CASP14: variants seen among roughly 807,000 people sequenced by gnomAD.
CASP14 encodes caspase-14.
A neutral mutation model predicts 28.4 loss-of-function variants in CASP14; 27 were observed. The observed-to-expected ratio is 0.95, with a 90% CI of 0.70 to 1.31. CASP14 has a LOEUF of 1.31. Among genes scored for constraint, CASP14 ranks in the 50% most tolerant of loss-of-function variants. The pLI is 0.00. For missense variants in CASP14, 323 were observed against 312.8 expected, an observed-to-expected ratio of 1.03 and a Z score of -0.25; for synonymous variants, 115 against 118.6, an observed-to-expected ratio of 0.97 and a Z score of 0.20.
At chr19:15,053,157 G>T (rs1237255159) in intron 2 of CASP14, among the ~76,000 whole-genome samples, 5 of 152,162 alleles carry the variant, frequency 3.3e-5, no homozygotes, top group Non-Finnish European at 4.4e-5. Context: ...GCCCAGGCTG[G>T]AGTGCAGTGA....
At chr19:15,055,365 C>T (rs2046111574) in intron 5 of CASP14, 65 bp from the exon 6 acceptor site, 2 of 1,563,080 alleles carry the variant, frequency 1.3e-6, no homozygotes. Flanking sequence ...GGACCCACGC[C>T]CTTCCAGGAT....
In CASP14 at chr19:15,052,285, TG is replaced by T; in HGVS notation, c.27+10del. 6.3e-7 allele frequency: 1 copy of T among 1,585,060 alleles called. No individual in the cohort carries two copies. Among genetic ancestry groups the T allele is most frequent in the Non-Finnish European group, 8.6e-7 (1 of 1,167,754 alleles). On this transcript the variant is annotated splice_region_variant and intron_variant, in intron 2 of 6. Coordinates refer to ENST00000427043, the MANE Select transcript of CASP14 (RefSeq NM_012114.3). Reference sequence around the variant, plus strand: ...TCCGCGGTCTTTGGAAGAGGTAGGCTGGGTGCAGGTTGAGGGGAGGGTGATC... The same window carrying T: ...TCCGCGGTCTTTGGAAGAGGTAGGCTGGTGCAGGTTGAGGGGAGGGTGATC...
intron 4 of CASP14, 96 bp downstream of exon 4, chr19:15,054,054 A>T: frequency 1.0e-6 from 1 of 963,688 alleles, no homozygotes; most frequent in Non-Finnish European, 1.5e-6. Context: ...GCGGAATCTC[A>T]ACTCACTGCA....
Position 15,053,870 on chromosome 19 carries a change from G to A in CASP14, c.315G>A (p.Leu105=). ...LKGEDGEMVK[L]ENLFEALNNK... is the part of the protein sequence containing the mutation. Reference sequence around the variant, plus strand: ...GAGAAGATGGGGAGATGGTCAAGCTGGAGAATCTCTTCGAGGCCCTGAACA... The same window carrying A: ...GAGAAGATGGGGAGATGGTCAAGCTAGAGAATCTCTTCGAGGCCCTGAACA... Residue 105 remains leucine, a synonymous_variant, in exon 4 of 7, where the codon CTG becomes CTA. Coordinates refer to ENST00000427043, the MANE Select transcript of CASP14 (RefSeq NM_012114.3). 6.2e-7 allele frequency: 1 copy of A among 1,614,180 alleles called. No individual in the cohort carries two copies. Among genetic ancestry groups the A allele is most frequent in the Admixed American group, 1.7e-5 (1 of 60,020 alleles).
At chr19:15,050,515 T>G (rs2046085546) in intron 1 of CASP14, among the ~76,000 whole-genome samples, 1 of 86,304 alleles carries the variant, frequency 1.2e-5, no homozygotes, top group East Asian at 3.6e-4. Flanking sequence ...GATGGATGGA[T>G]GGGTGGGTGG....
intron 1 of CASP14, among the ~76,000 whole-genome samples, chr19:15,050,667 T>C (rs1264120378): frequency 6.6e-6 from 1 of 151,952 alleles, no homozygotes; most frequent in Non-Finnish European, 1.5e-5. Flanking sequence ...AGATAATGGA[T>C]GAATGGATGG....
In CASP14 at chr19:15,053,904, T is replaced by A. The variant is rs769099388; in HGVS notation, c.349T>A (p.Cys117Ser). The change falls in exon 4 of 7, where the codon TGC (cysteine) becomes AGC (serine). Residue 117 changes from cysteine to serine, a missense_variant. Physicochemically the swap from Cys to Ser is moderately radical, Grantham distance 112. Transcript: ENST00000427043. ...NLFEALNNKN[C>S]QALRAKPKVY... ...CTTCGAGGCCCTGAACAACAAGAAC[T>A]GCCAGGCCCTGCGAGCTAAGCCCAA... 1 of 1,614,008 alleles carries A rather than the reference T, an allele frequency of 6.2e-7. No individual in the cohort carries two copies. Among genetic ancestry groups the A allele is most frequent in the Admixed American group, 1.7e-5 (1 of 59,994 alleles).
rs762778886 is a variant in CASP14 at position 15,053,936 on chromosome 19, C to T, written c.381C>T (p.Tyr127=). ...CQALRAKPKV[Y]IIQACRGEQR... Reference sequence around the variant, plus strand: ...CCCTGCGAGCTAAGCCCAAGGTGTACATCATACAGGCCTGTCGAGGAGGTG... The same window carrying T: ...CCCTGCGAGCTAAGCCCAAGGTGTATATCATACAGGCCTGTCGAGGAGGTG... The change falls in exon 4 of 7, where the codon TAC becomes TAT. Residue 127 remains tyrosine, a synonymous_variant. Coordinates refer to ENST00000427043, the MANE Select transcript of CASP14 (RefSeq NM_012114.3). 6.2e-6 allele frequency: 10 copies of T among 1,613,746 alleles called. No homozygotes were observed. Among genetic ancestry groups the T allele is most frequent in the Admixed American group, 1.7e-5 (1 of 59,990 alleles).
rs2046101044 is a variant in CASP14 at position 15,053,573 on chromosome 19, A to G, written c.119A>G (p.Glu40Gly). ...TCCGAAGAAGACCTGGATGCTCTGG[A>G]ACACATGTTTCGGCAGCTGAGATTC... ...EGSEEDLDAL[E>G]HMFRQLRFES... is the part of the protein sequence containing the mutation. Residue 40 changes from glutamate to glycine, a missense_variant, in exon 3 of 7, where the codon GAA (glutamate) becomes GGA (glycine). By Grantham distance (98) the Glu-to-Gly change is moderately conservative (BLOSUM62 -2). Coordinates refer to ENST00000427043, the MANE Select transcript of CASP14 (RefSeq NM_012114.3). The G allele has an allele frequency of 6.2e-7, 1 of 1,614,014 alleles. No homozygotes were observed. Among genetic ancestry groups the G allele is most frequent in the Non-Finnish European group, 8.5e-7 (1 of 1,180,046 alleles).
At chr19:15,054,405 C>T (rs911154224) in intron 4 of CASP14, among the ~76,000 whole-genome samples, 4 of 152,122 alleles carry the variant, frequency 2.6e-5, no homozygotes, top group African/African-American at 9.7e-5. Context: ...GTAACAAGAA[C>T]CCAGCTCTAT....
At chr19:15,053,292 G>A (rs2046099309) in intron 2 of CASP14, among the ~76,000 whole-genome samples, 190 bp from the exon 3 acceptor site, 1 of 152,092 alleles carries the variant, frequency 6.6e-6, no homozygotes, top group South Asian at 2.1e-4. Flanking sequence ...ATTTTTTGTA[G>A]AGACAGAGTC....
At chr19:15,054,462 G>C (rs2046106363) in intron 4 of CASP14, among the ~76,000 whole-genome samples, 1 of 152,108 alleles carries the variant, frequency 6.6e-6, no homozygotes, top group African/African-American at 2.4e-5. Flanking sequence ...TGGGCCTGTG[G>C]TCCTAGCTAC....
At chr19:15,051,208 A>AG (rs2046089138) in intron 1 of CASP14, among the ~76,000 whole-genome samples, 1 of 151,008 alleles carries the variant, frequency 6.6e-6, no homozygotes, top group Non-Finnish European at 1.5e-5. Context: ...AAAAAAAAAA[A>AG]GCATTCCCGG....
chr19:15,052,230 G>A lies in CASP14; in HGVS notation c.-22G>A, dbSNP rs771153401. 27 of 1,583,426 alleles carry A rather than the reference G, an allele frequency of 1.7e-5. No individual in the cohort carries two copies. The highest frequency in any genetic ancestry group is 4.1e-5 in the African/African-American group (3 of 73,342). ...GGATCAGACAAGGGTGCTGAGAGCC[G>A]GGACTCACAACCAAAGGAGAAATGA... is the stretch of plus-strand genomic sequence containing the variant. On this transcript the variant is annotated 5_prime_UTR_variant, in exon 2 of 7. Transcript: ENST00000427043.
rs1253332306 is a variant in CASP14, at chr19:15,056,852, T to G, written c.*763T>G. The G allele has an allele frequency of 2.6e-5, 4 of 152,122 alleles. No individual in the cohort carries two copies. The highest frequency in any genetic ancestry group is 9.7e-5 in the African/African-American group (4 of 41,444). The allele number at this position is 152,122 out of a possible 1,614,324, so 9.4% of individuals were successfully genotyped here. On this transcript the variant is annotated 3_prime_UTR_variant, in exon 7 of 7. Transcript: ENST00000427043. ...AATTCCCTGTTGTCACCTTGCTATT[T>G]TGCAGACAACATAATATTTAACCTC...
intron 6 of CASP14, among the ~76,000 whole-genome samples, chr19:15,055,752 C>T (rs1170490214): frequency 6.6e-6 from 1 of 152,144 alleles, no homozygotes; most frequent in East Asian, 1.9e-4. Context: ...AACAAATCCC[C>T]CTTGGATATA....
In CASP14 at chr19:15,056,598, T is replaced by C. The variant is rs1448599699; in HGVS notation, c.*509T>C. On this transcript the variant is annotated 3_prime_UTR_variant, in exon 7 of 7. Coordinates refer to ENST00000427043, the MANE Select transcript of CASP14 (RefSeq NM_012114.3). ...GAGTTAGTAAGGTAAGAACCATTCTTTCTCTCCAAAACCACTCCTCCTTGG... is the reference window on the plus strand; with the variant it reads ...GAGTTAGTAAGGTAAGAACCATTCTCTCTCTCCAAAACCACTCCTCCTTGG... 6.5e-6 allele frequency: 1 copy of C among 154,946 alleles called. No individual in the cohort carries two copies. The highest frequency in any genetic ancestry group is 1.4e-5 in the Non-Finnish European group (1 of 69,716). 9.6% of individuals were successfully genotyped at this position (154,946 alleles called of 1,614,324 possible).
chr19:15,052,122 A>T (rs2046093766), intron 1 of CASP14, 84 bp from the exon 2 acceptor site: 1 of 994,158 alleles, frequency 1.0e-6, no homozygotes, highest in Non-Finnish European at 1.5e-6. Context: ...TGGTCTCAAA[A>T]ATCCAGATAC....
chr19:15,054,390 G>A (rs951808045), intron 4 of CASP14, among the ~76,000 whole-genome samples: 2 of 152,288 alleles, frequency 1.3e-5, no homozygotes, highest in East Asian at 1.9e-4. Context: ...CTAGCGTCGA[G>A]CAATGTAACA....
Sources: allele counts gnomAD v4.1 joint callset (sites outside exome capture counted in the v4.1 genomes callset), GRCh38; gene constraint gnomAD v4.1.1; transcripts MANE v1.5; gene names NCBI Gene and HGNC (gene_info 2026-07-23, HGNC 2026-07-21).